RTTN: variants seen among roughly 807,000 people sequenced by gnomAD.
RTTN encodes the protein rotatin.
A neutral mutation model predicts 269.2 loss-of-function variants in RTTN; 182 were observed. The observed-to-expected ratio is 0.68, with a 90% CI of 0.60 to 0.76. RTTN has a LOEUF of 0.76. RTTN is among the 30% of genes least tolerant of loss of function. The pLI is 0.00. For synonymous variants in RTTN, 1,006 were observed against 963.5 expected (o/e 1.04, Z -0.82); for missense variants, 2,545 against 2,608.6 (o/e 0.98, Z 0.53).
chr18:70,204,980 T>C (rs2062039715), intron 2 of RTTN, 148 bp downstream of exon 2: 2 of 713,618 alleles, frequency 2.8e-6, no homozygotes, highest in Non-Finnish European at 4.7e-6. Flanking sequence ...AGATGAACCA[T>C]ATACCCAGAT....
At chr18:70,090,528 T>C (rs921192559) in intron 30 of RTTN, among the ~76,000 whole-genome samples, 4 of 152,108 alleles carry the variant, frequency 2.6e-5, no homozygotes, top group Non-Finnish European at 5.9e-5. Flanking sequence ...GATGTAGGCA[T>C]TGTGAGGGAG....
rs746645360 is a variant in RTTN at position 70,054,250 on chromosome 18, G to C, written c.5066C>G (p.Ser1689Cys). The change falls in exon 38 of 49, where the codon TCC (serine) becomes TGC (cysteine). Residue 1689 changes from serine to cysteine, a missense_variant. Transcript: ENST00000640769. The part of the protein sequence containing the change: ...SFLLEYLSSL[S>C]RLLQSCLLVE... ...CAATAAACATGACTGCAGAAGCCTGGACAAAGAGGATAGGTATTCCAGGAG... is the reference window on the plus strand; with the variant it reads ...CAATAAACATGACTGCAGAAGCCTGCACAAAGAGGATAGGTATTCCAGGAG... 4.3e-6 allele frequency: 7 copies of C among 1,613,676 alleles called. No homozygotes were observed. The South Asian group carries it at 7.7e-5, about 18-fold the overall frequency.
At chr18:70,170,293 G>A (rs79627095) in intron 11 of RTTN, among the ~76,000 whole-genome samples, 2,492 of 152,238 alleles carry the variant, frequency 0.016, 65 homozygotes, top group African/African-American at 0.057. Context: ...ACCTCTGCCC[G>A]CATGAAGCTC....
chr18:70,111,122 G>A (rs1451321448), intron 27 of RTTN, among the ~76,000 whole-genome samples: 1 of 152,228 alleles, frequency 6.6e-6, no homozygotes, highest in African/African-American at 2.4e-5. Context: ...AGGGGAGGCT[G>A]TGGGCGCAAC....
chr18:70,037,717 T>G (rs1455039003), intron 40 of RTTN, among the ~76,000 whole-genome samples: 2 of 152,072 alleles, frequency 1.3e-5, no homozygotes, highest in East Asian at 3.9e-4. Flanking sequence ...CTCCTTTTGT[T>G]TGAGAAAAGC....
At chr18:70,039,007 C>A (rs1027784693) in intron 40 of RTTN, among the ~76,000 whole-genome samples, 13 of 151,868 alleles carry the variant, frequency 8.6e-5, no homozygotes, top group African/African-American at 2.4e-4. Context: ...AACTTGAAGG[C>A]AAGCTATTTG....
chr18:70,198,027 G>C (rs1319551291), intron 5 of RTTN, among the ~76,000 whole-genome samples: 1 of 152,160 alleles, frequency 6.6e-6, no homozygotes, highest in Non-Finnish European at 1.5e-5. Flanking sequence ...TACCCTCAGA[G>C]ATTATCACAA....
At chr18:70,162,745 G>C (rs1177969739) in intron 14 of RTTN, among the ~76,000 whole-genome samples, 1 of 151,800 alleles carries the variant, frequency 6.6e-6, no homozygotes, top group Non-Finnish European at 1.5e-5. Context: ...CCATATCAGA[G>C]GGTGAGGATC....
intron 23 of RTTN, among the ~76,000 whole-genome samples, chr18:70,132,653 G>C (rs904650496): frequency 6.6e-6 from 1 of 151,934 alleles, no homozygotes; most frequent in Non-Finnish European, 1.5e-5. Context: ...GCCATACTTA[G>C]AAACATTGAT....
At position 70,197,617 on chromosome 18, in the gene RTTN, C is replaced by T. The variant is rs768423279; in HGVS notation, c.693+7G>A. The T allele has an allele frequency of 7.7e-6, 12 of 1,549,096 alleles. No individual in the cohort carries two copies. Among genetic ancestry groups the T allele is most frequent in the African/African-American group, 1.4e-5 (1 of 73,716 alleles). On this transcript the variant is annotated splice_region_variant and intron_variant, in intron 6 of 48. Coordinates refer to ENST00000640769, the MANE Select transcript of RTTN (RefSeq NM_173630.4). ...CAAAATCTAAAACAATTATAGAGGG[C>T]ACTGACCTGAACAATTTTTGGCCTT...
intron 11 of RTTN, among the ~76,000 whole-genome samples, chr18:70,173,109 C>G (rs1296540157): frequency 1.3e-5 from 2 of 152,152 alleles, no homozygotes; most frequent in Non-Finnish European, 2.9e-5. Context: ...ATGTTATTTT[C>G]CTTAAAGCAA....
chr18:70,075,902 T>A (rs1241454090), intron 32 of RTTN, among the ~76,000 whole-genome samples: 1 of 151,986 alleles, frequency 6.6e-6, no homozygotes, highest in Non-Finnish European at 1.5e-5. Context: ...AAATAATAGG[T>A]GTTAAAATAT....
intron 3 of RTTN, among the ~76,000 whole-genome samples, chr18:70,203,295 C>CG (rs2061998717): frequency 6.6e-6 from 1 of 152,056 alleles, no homozygotes; most frequent in African/African-American, 2.4e-5. Flanking sequence ...CTCCGCCCCC[C>CG]GGGTTCAAGT....
chr18:70,042,462 C>G (rs992738292), intron 40 of RTTN, among the ~76,000 whole-genome samples: 3 of 150,822 alleles, frequency 2.0e-5, no homozygotes, highest in Non-Finnish European at 4.4e-5. Context: ...TGCAAGCTCC[C>G]CGTCCCGGGT....
chr18:70,152,836 T>A (rs1465556260), intron 14 of RTTN, among the ~76,000 whole-genome samples: 1 of 152,138 alleles, frequency 6.6e-6, no homozygotes, highest in Non-Finnish European at 1.5e-5. Flanking sequence ...CCCCCTACAA[T>A]CCATTCCCCA....
chr18:70,027,952 A>C (rs2145573911), intron 43 of RTTN, among the ~76,000 whole-genome samples: 1 of 152,270 alleles, frequency 6.6e-6, no homozygotes, highest in South Asian at 2.1e-4. Context: ...ACAGGTAAAA[A>C]TTTATAAGGC....
intron 13 of RTTN, 101 bp from the exon 14 acceptor site, chr18:70,166,289 T>G: frequency 1.8e-6 from 2 of 1,131,076 alleles, no homozygotes; most frequent in Non-Finnish European, 2.6e-6. Context: ...CTCCAACTCC[T>G]CAAACTGAGA....
chr18:70,082,693 A>C (rs2058601446), intron 32 of RTTN, among the ~76,000 whole-genome samples: 1 of 152,056 alleles, frequency 6.6e-6, no homozygotes, highest in Admixed American at 6.6e-5. Context: ...TGTAGTATGC[A>C]GGGTTTTTGT....
rs148058637 is a variant in RTTN at position 70,034,909 on chromosome 18, G to A, written c.5542-3928C>T. On this transcript the variant is annotated intron_variant, in intron 40 of 48. Transcript: ENST00000640769. ...ATTCCTATATACCAACAATCAAGCCGAGAGGCAAATCAGGAATGCAATCCC... is the reference window on the plus strand; with the variant it reads ...ATTCCTATATACCAACAATCAAGCCAAGAGGCAAATCAGGAATGCAATCCC... 3.3e-5 allele frequency among the ~76,000 whole-genome samples: 5 copies of A among 152,190 alleles called. No homozygotes were observed. In the East Asian group the frequency reaches 7.7e-4, roughly 24 times the overall value.
Sources: allele counts gnomAD v4.1 joint callset (sites outside exome capture counted in the v4.1 genomes callset), GRCh38; gene constraint gnomAD v4.1.1; transcripts MANE v1.5; gene names NCBI Gene and HGNC (gene_info 2026-07-23, HGNC 2026-07-21).